MAPK12: variants seen among roughly 807,000 people sequenced by gnomAD.
MAPK12 encodes the protein MAP kinase 12.
A neutral mutation model predicts 49.1 loss-of-function variants in MAPK12; 49 were observed. That is an observed-to-expected ratio of 1.00 (90% confidence interval 0.79 to 1.27). The LOEUF (loss-of-function observed/expected upper bound fraction) is 1.27. MAPK12 is among the 50% of genes most tolerant of loss of function. The pLI is 0.00. For synonymous variants in MAPK12, 251 were observed against 209.7 expected (o/e 1.20, Z -1.70); for missense variants, 554 against 502.4 (o/e 1.10, Z -0.98).
intron 6 of MAPK12, 145 bp downstream of exon 6, chr22:50,256,454 T>C: frequency 9.1e-7 from 1 of 1,102,826 alleles, no homozygotes; most frequent in East Asian, 2.4e-5. Flanking sequence ...CCACTGCCTC[T>C]TGGGCTCACC....
intron 6 of MAPK12, among the ~76,000 whole-genome samples, 182 bp downstream of exon 6, chr22:50,256,417 G>C (rs937313626): frequency 1.3e-5 from 2 of 152,242 alleles, no homozygotes; most frequent in African/African-American, 4.8e-5. Context: ...GGACGGAGCA[G>C]GTGCCCTGGG....
rs752922316 is a variant in MAPK12, at chr22:50,256,968, C to CG, written c.427-5dup. On this transcript the variant is annotated splice_polypyrimidine_tract_variant and splice_region_variant and intron_variant, in intron 4 of 11. Transcript: ENST00000215659. Reference sequence around the variant, plus strand: ...TGATGCCGGCAGCGTGGATATACTGCGGGGGGCAGAGGATTTGGCAGGCTT... The same window carrying CG: ...TGATGCCGGCAGCGTGGATATACTGCGGGGGGGCAGAGGATTTGGCAGGCTT... 47 of 1,606,426 alleles carry CG rather than the reference C, an allele frequency of 2.9e-5. No individual in the cohort carries two copies. Among genetic ancestry groups the CG allele is most frequent in the African/African-American group, 6.7e-5 (5 of 74,948 alleles).
chr22:50,256,074 C>G lies in MAPK12; in HGVS notation c.619+11G>C. The G allele has an allele frequency of 6.2e-7, 1 of 1,607,950 alleles. No homozygotes were observed. The highest frequency in any genetic ancestry group is 8.5e-7 in the Non-Finnish European group (1 of 1,176,752). The stretch of plus-strand genomic sequence containing the variant: ...AGCCTGAGAGGCCCAGATCTCTGGG[C>G]AGCTTCTCACCCGTCTGCGTGTAGC... On this transcript the variant is annotated intron_variant, in intron 7 of 11. Coordinates refer to ENST00000215659, the MANE Select transcript of MAPK12 (RefSeq NM_002969.6).
intron 2 of MAPK12, among the ~76,000 whole-genome samples, chr22:50,259,345 G>C (rs2065185380): frequency 1.3e-5 from 2 of 152,116 alleles, no homozygotes; most frequent in South Asian, 4.1e-4. Flanking sequence ...TGGGCTAGGG[G>C]CCACAGGACT....
chr22:50,253,689 G>C (rs568606051), intron 11 of MAPK12: 9 of 590,552 alleles, frequency 1.5e-5, no homozygotes, highest in South Asian at 1.2e-4. Flanking sequence ...CCAGGGCTTG[G>C]CCACATGTCC....
chr22:50,257,639 G>C (rs1023936330), intron 3 of MAPK12: 2 of 579,192 alleles, frequency 3.5e-6, no homozygotes, highest in South Asian at 2.0e-5. Flanking sequence ...GCGCGGCAAG[G>C]CATCTGGGTC....
chr22:50,256,139 G>A lies in MAPK12; in HGVS notation c.565C>T (p.Arg189Trp), dbSNP rs149914576. 6.1e-5 allele frequency: 99 copies of A among 1,612,772 alleles called. No homozygotes were observed. In the African/African-American group the frequency reaches 7.1e-4, roughly 12 times the overall value. The change falls in exon 7 of 12, where the codon CGG becomes TGG. Residue 189 changes from arginine to tryptophan, a missense_variant. Transcript: ENST00000215659. ...ATGACCTCGGGAGCCCGGTACCACC[G>A]GGTCACCACGTACCCAGTCATCTCA... ...DSEMTGYVVT[R>W]WYRAPEVILN...
chr22:50,256,851 C>T, intron 5 of MAPK12, 84 bp downstream of exon 5: 2 of 1,561,858 alleles, frequency 1.3e-6, no homozygotes, highest in East Asian at 2.3e-5. Flanking sequence ...ACCCAGACCC[C>T]ATCACATCCT....
intron 2 of MAPK12, 37 bp from the exon 3 acceptor site, chr22:50,258,338 G>A (rs998072152): frequency 2.5e-6 from 4 of 1,587,606 alleles, no homozygotes; most frequent in South Asian, 1.1e-5. Flanking sequence ...TGCAGCAGAG[G>A]ACACGGGCTG....
intron 2 of MAPK12, among the ~76,000 whole-genome samples, chr22:50,258,515 A>G (rs551423657): frequency 3.5e-4 from 53 of 152,274 alleles, no homozygotes; most frequent in Non-Finnish European, 8.8e-5. Context: ...ACACATACCC[A>G]CAGAAAGGTT....
At chr22:50,261,130 C>T in intron 2 of MAPK12, 37 bp downstream of exon 2, 5 of 1,541,750 alleles carry the variant, frequency 3.2e-6, no homozygotes, top group Non-Finnish European at 4.4e-6. Flanking sequence ...CAAGCCGAGG[C>T]CGCGGCGCCT....
intron 6 of MAPK12, 65 bp downstream of exon 6, chr22:50,256,534 A>G: frequency 1.3e-6 from 2 of 1,564,946 alleles, no homozygotes; most frequent in Admixed American, 1.9e-5. Context: ...TGACAGGTGG[A>G]TAGATGGGCA....
chr22:50,256,718 C>T (rs534375033), intron 5 of MAPK12, 72 bp from the exon 6 acceptor site: 1 of 1,548,656 alleles, frequency 6.5e-7, no homozygotes, highest in Admixed American at 2.0e-5. Context: ...GCCTGGGTGG[C>T]ACCTAAAGAT....
Position 50,256,141 on chromosome 22 carries a change from G to T in MAPK12, c.563C>A (p.Thr188Asn), listed in dbSNP as rs1455116484. The T allele has an allele frequency of 6.2e-7, 1 of 1,612,774 alleles. No individual in the cohort carries two copies. The highest frequency in any genetic ancestry group is 2.2e-5 in the East Asian group (1 of 44,876). Reference sequence around the variant, plus strand: ...GACCTCGGGAGCCCGGTACCACCGGGTCACCACGTACCCAGTCATCTCACT... The same window carrying T: ...GACCTCGGGAGCCCGGTACCACCGGTTCACCACGTACCCAGTCATCTCACT... Reference protein sequence around the residue: ...ADSEMTGYVVTRWYRAPEVIL... With the variant: ...ADSEMTGYVVNRWYRAPEVIL... Residue 188 changes from threonine to asparagine, a missense_variant, in exon 7 of 12, where the codon ACC (threonine) becomes AAC (asparagine). By Grantham distance (65) the Thr-to-Asn change is moderately conservative. Transcript: ENST00000215659.
At chr22:50,253,952 G>A in intron 11 of MAPK12, 1 of 166,498 alleles carries the variant, frequency 6.0e-6, no homozygotes, top group Admixed American at 5.6e-5. Flanking sequence ...CAGCCAGTGT[G>A]GAGGACCAAG....
chr22:50,253,501 G>GGGT, intron 11 of MAPK12, 21 bp from the exon 12 acceptor site: 2 of 354,170 alleles, frequency 5.6e-6, no homozygotes, highest in South Asian at 2.1e-5. Context: ...TGGGGGGGCG[G>GGGT]GCACAACAGA....
rs1569141354 is a variant in MAPK12 at position 50,255,261 on chromosome 22, C to T, written c.960G>A (p.Glu320=). The T allele has an allele frequency of 6.2e-7, 1 of 1,613,892 alleles. No homozygotes were observed. Among genetic ancestry groups the T allele is most frequent in the Non-Finnish European group, 8.5e-7 (1 of 1,180,020 alleles). The change falls in exon 11 of 12, where the codon GAG becomes GAA. Residue 320 remains glutamate, a synonymous_variant. Coordinates refer to ENST00000215659, the MANE Select transcript of MAPK12 (RefSeq NM_002969.6). ...AGTCATCATACTTCTGGACCTGGGG[C>T]TCATCTTCCGTGTCGTGCAGGGACT... The part of the protein sequence containing the change: ...YFESLHDTED[E]PQVQKYDDSF...
intron 2 of MAPK12, among the ~76,000 whole-genome samples, chr22:50,260,616 G>A (rs1024417456): frequency 1.3e-5 from 2 of 152,188 alleles, no homozygotes; most frequent in Non-Finnish European, 2.9e-5. Flanking sequence ...TCCTCAAACA[G>A]CAGCTCCCTA....
At chr22:50,261,141 T>C (rs1411961095) in intron 2 of MAPK12, 26 bp downstream of exon 2, 3 of 1,554,118 alleles carry the variant, frequency 1.9e-6, no homozygotes, top group African/African-American at 2.8e-5. Flanking sequence ...CGCGGCGCCT[T>C]CCCGGAGCGG....
Sources: allele counts gnomAD v4.1 joint callset (sites outside exome capture counted in the v4.1 genomes callset), GRCh38; gene constraint gnomAD v4.1.1; transcripts MANE v1.5; gene names NCBI Gene and HGNC (gene_info 2026-07-23, HGNC 2026-07-21).